Variants in ANKRD26 observed in about 807,000 individuals in gnomAD.
The protein encoded by ANKRD26 is ankyrin repeat domain-containing protein 26.
In ANKRD26, 141 loss-of-function variants were observed where a neutral mutation model predicts 208.7. The ratio of observed to expected loss-of-function variants is 0.68; its 90% CI spans 0.59 to 0.78. ANKRD26 has a LOEUF of 0.78. ANKRD26 is among the 30% of genes least tolerant of loss of function. The probability of loss-of-function intolerance (pLI) is 0.00; values close to 1 mark genes in which losing one functional copy is unlikely to be tolerated. For missense variants in ANKRD26, 1,889 were observed against 1,938.7 expected (o/e 0.97, Z 0.48); for synonymous variants, 636 against 660.4 (o/e 0.96, Z 0.57).
At chr10:27,039,626 G>A (rs1353043776) in intron 21 of ANKRD26, among the ~76,000 whole-genome samples, 2 of 151,944 alleles carry the variant, frequency 1.3e-5, no homozygotes, top group Non-Finnish European at 2.9e-5. Flanking sequence ...TTTATTCAAA[G>A]TAAATAATTA....
intron 32 of ANKRD26, among the ~76,000 whole-genome samples, chr10:27,008,834 C>T (rs1459598395): frequency 6.6e-6 from 1 of 151,954 alleles, no homozygotes; most frequent in Non-Finnish European, 1.5e-5. Context: ...TCTCAATGAC[C>T]CTTGAATTTA....
In ANKRD26 at chr10:27,076,265, G is replaced by T. The variant is rs1372841746; in HGVS notation, c.1077+1073C>A. ...AAAAAGTTTGTTTTTTGTTTGTTTG[G>T]TTTTTTTTTTTTTTTAGATGGAATT... On this transcript the variant is annotated intron_variant, in intron 9 of 33. Coordinates refer to ENST00000376087, the MANE Select transcript of ANKRD26 (RefSeq NM_014915.3). Among the ~76,000 whole-genome samples the T allele has an allele frequency of 7.8e-5, 11 of 141,144 alleles. No individual in the cohort carries two copies. The South Asian group carries it at 2.2e-3, about 28-fold the overall frequency. The allele number at this position is 141,144 out of a possible 152,430, so 92.6% of individuals were successfully genotyped here.
intron 27 of ANKRD26, among the ~76,000 whole-genome samples, chr10:27,026,704 A>G (rs941351381): frequency 1.3e-5 from 2 of 152,222 alleles, no homozygotes; most frequent in Non-Finnish European, 2.9e-5. Flanking sequence ...CAAGCAGAAC[A>G]TCAATAAATA....
downstream of ANKRD26, among the ~76,000 whole-genome samples, chr10:26,972,230 G>A (rs938265598): frequency 6.7e-5 from 9 of 135,192 alleles, no homozygotes; most frequent in African/African-American, 2.3e-4. Context: ...GCGAGACTCC[G>A]TCTCAAAAAA....
intron 1 of ANKRD26, among the ~76,000 whole-genome samples, chr10:27,097,131 G>A (rs950493398): frequency 2.7e-5 from 4 of 150,472 alleles, no homozygotes; most frequent in South Asian, 2.1e-4. Context: ...GCATTGAGCC[G>A]AGATCACACC....
At chr10:27,026,309 C>T (rs1404703286) in intron 27 of ANKRD26, among the ~76,000 whole-genome samples, 1 of 152,192 alleles carries the variant, frequency 6.6e-6, no homozygotes, top group Non-Finnish European at 1.5e-5. Context: ...ATAAGCTTAG[C>T]AGGTTTTGAG....
At chr10:27,075,149 A>G (rs75917761) in intron 9 of ANKRD26, among the ~76,000 whole-genome samples, 203 of 152,350 alleles carry the variant, frequency 1.3e-3, no homozygotes, top group African/African-American at 4.7e-3. Flanking sequence ...AAAGCATACA[A>G]TTCACAAAGT....
chr10:27,063,214 T>G (rs2055126519), intron 12 of ANKRD26, among the ~76,000 whole-genome samples: 1 of 152,200 alleles, frequency 6.6e-6, no homozygotes, highest in Non-Finnish European at 1.5e-5. Flanking sequence ...GGGTAAATTT[T>G]GCTCTATTTC....
chr10:26,970,154 C>T (rs187087807), downstream of ANKRD26, among the ~76,000 whole-genome samples: 26 of 152,100 alleles, frequency 1.7e-4, no homozygotes, highest in Admixed American at 1.4e-3. Context: ...TTGTTTAATA[C>T]TAGATAATTG....
intron 5 of ANKRD26, among the ~76,000 whole-genome samples, chr10:26,977,952 A>T (rs2052251526): frequency 6.6e-6 from 1 of 152,172 alleles, no homozygotes; most frequent in Non-Finnish European, 1.5e-5. Flanking sequence ...ACAACAAAAA[A>T]AACAGGCTCC....
chr10:26,949,601 G>A, the ANKRD26 span, among the ~76,000 whole-genome samples: 3 of 152,150 alleles, frequency 2.0e-5, no homozygotes, highest in Non-Finnish European at 2.9e-5. Context: ...CACCTTCTGG[G>A]TTCAAGCAAT....
In ANKRD26 at chr10:27,048,784, A is replaced by T; in HGVS notation, c.1814+17T>A. 1 of 1,599,596 alleles carries T rather than the reference A, an allele frequency of 6.3e-7. No individual in the cohort carries two copies. The highest frequency in any genetic ancestry group is 2.2e-5 in the East Asian group (1 of 44,638). ...CACAATAACAATTATCTGCTGTTAA[A>T]TATGCTATCAGCTTACCTAGCATAC... On this transcript the variant is annotated intron_variant, in intron 17 of 33. Transcript: ENST00000376087.
At chr10:27,094,231 A>G (rs1346905193) in intron 1 of ANKRD26, among the ~76,000 whole-genome samples, 1 of 152,172 alleles carries the variant, frequency 6.6e-6, no homozygotes, top group Non-Finnish European at 1.5e-5. Context: ...TTCCTTTATA[A>G]ATTACCCATA....
At chr10:27,084,668 A>C (rs1277279130) in intron 5 of ANKRD26, among the ~76,000 whole-genome samples, 1 of 152,136 alleles carries the variant, frequency 6.6e-6, no homozygotes, top group African/African-American at 2.4e-5. Flanking sequence ...AGGAGTTCCA[A>C]GATCAGCCTG....
At chr10:26,972,792 G>A (rs897675422), downstream of ANKRD26, among the ~76,000 whole-genome samples, 2 of 151,834 alleles carry the variant, frequency 1.3e-5, no homozygotes, top group South Asian at 2.1e-4. Context: ...GGGTTTCACC[G>A]TGTTAGCCAG....
intron 15 of ANKRD26, among the ~76,000 whole-genome samples, chr10:27,055,262 C>T (rs2054800326): frequency 6.6e-6 from 1 of 152,020 alleles, no homozygotes. Flanking sequence ...TCATGTCTTC[C>T]TGTGTTAAGG....
intron 31 of ANKRD26, among the ~76,000 whole-genome samples, chr10:27,014,027 G>A (rs2053207116): frequency 6.6e-6 from 1 of 152,128 alleles, no homozygotes; most frequent in South Asian, 2.1e-4. Context: ...ATGGCACCCT[G>A]TAGTGATAAT....
intron 20 of ANKRD26, among the ~76,000 whole-genome samples, chr10:27,041,966 T>C (rs2054256382): frequency 6.6e-6 from 1 of 151,988 alleles, no homozygotes; most frequent in Non-Finnish European, 1.5e-5. Context: ...ATGATATTAT[T>C]TGAAGGTGGA....
chr10:26,979,747 A>G (rs887414301), intron 5 of ANKRD26, among the ~76,000 whole-genome samples: 1 of 152,162 alleles, frequency 6.6e-6, no homozygotes, highest in African/African-American at 2.4e-5. Context: ...CCTGAGTTGT[A>G]TCCTCCTGCT....
Sources: gnomAD v4.1 joint callset for allele counts (sites outside exome capture counted in the v4.1 genomes callset) on GRCh38, gnomAD v4.1.1 for gene constraint, MANE v1.5 for transcripts, NCBI Gene and HGNC (gene_info 2026-07-23, HGNC 2026-07-21) for gene names.